The following APLF variants were observed in gnomAD, a reference collection of about 807,000 sequenced individuals.
The protein encoded by APLF is aprataxin and PNKP like factor, also known as aprataxin and PNK-like factor.
Under a neutral mutation model 55.6 loss-of-function variants are expected in APLF, and 61 were observed. That is an observed-to-expected ratio of 1.10 (90% CI 0.89 to 1.36). APLF has a LOEUF of 1.36. APLF is among the 40% of genes most tolerant of loss of function. The pLI, the probability that APLF is intolerant of heterozygous loss-of-function variation, is 0.00. For missense variants in APLF, 611 were observed against 602.5 expected (o/e 1.01, Z -0.15); for synonymous variants, 207 against 214.8 (o/e 0.96, Z 0.32).
intron 5 of APLF, among the ~76,000 whole-genome samples, chr2:68,518,932 T>G (rs1433392949): frequency 1.6e-5 from 2 of 124,264 alleles, no homozygotes; most frequent in South Asian, 2.3e-4. Context: ...ATCATTAATA[T>G]TAATATATTA....
intron 1 of APLF, among the ~76,000 whole-genome samples, chr2:68,487,897 A>G (rs1460831818): frequency 1.3e-5 from 2 of 152,096 alleles, no homozygotes; most frequent in Non-Finnish European, 2.9e-5. Flanking sequence ...TTCTTTTTGT[A>G]TTCTATAAAG....
intron 2 of APLF, among the ~76,000 whole-genome samples, chr2:68,501,452 C>T (rs1676720571): frequency 6.6e-6 from 1 of 151,524 alleles, no homozygotes; most frequent in Admixed American, 6.6e-5. Context: ...CAAAGATCTG[C>T]ATTATGTAGA....
At chr2:68,520,788 G>A (rs1435606767) in intron 5 of APLF, among the ~76,000 whole-genome samples, 1 of 151,488 alleles carries the variant, frequency 6.6e-6, no homozygotes, top group African/African-American at 2.4e-5. Context: ...GCTTTGGCTA[G>A]ACTTGTTTTG....
chr2:68,557,081 T>C (rs1198532166), intron 8 of APLF, among the ~76,000 whole-genome samples: 1 of 152,206 alleles, frequency 6.6e-6, no homozygotes, highest in Non-Finnish European at 1.5e-5. Context: ...AAGTACAATC[T>C]GTCCCTGGTA....
At chr2:68,574,416 G>A (rs1425620011) in intron 9 of APLF, among the ~76,000 whole-genome samples, 1 of 152,186 alleles carries the variant, frequency 6.6e-6, no homozygotes, top group African/African-American at 2.4e-5. Flanking sequence ...ACCCTGTTAT[G>A]AAGGATCTGT....
chr2:68,577,800 A>C lies in APLF; in HGVS notation c.1334-20A>C, dbSNP rs1189106329. The C allele has an allele frequency of 6.8e-6, 11 of 1,612,296 alleles. No individual in the cohort carries two copies. Among genetic ancestry groups the C allele is most frequent in the Non-Finnish European group, 9.3e-6 (11 of 1,178,958 alleles). ...TTGAGTGGTGATTGATGTGTTGTGT[A>C]CCAATCTTCTGTTTTGCAGTGAGAA... is the stretch of plus-strand genomic sequence containing the variant. On this transcript the variant is annotated intron_variant, in intron 9 of 9. Coordinates refer to ENST00000303795, the MANE Select transcript of APLF (RefSeq NM_173545.3).
intron 9 of APLF, among the ~76,000 whole-genome samples, chr2:68,576,245 T>C (rs1313979730): frequency 1.3e-5 from 2 of 152,160 alleles, no homozygotes; most frequent in African/African-American, 2.4e-5. Flanking sequence ...AATAGAGATA[T>C]TGATGTTCTT....
rs558663973 is a variant in APLF at position 68,493,016 on chromosome 2, A to G, written c.168+2755A>G. Among the ~76,000 whole-genome samples, 19 of 152,302 alleles carry G rather than the reference A, an allele frequency of 1.2e-4. No homozygotes were observed. The South Asian group carries it at 3.7e-3, about 30-fold the overall frequency. ...TGATCTTAAATACTCAGCAAATTCT[A>G]GAATGGGAATGAGAGCCCAGGTTCT... On this transcript the variant is annotated intron_variant, in intron 2 of 9. Coordinates refer to ENST00000303795, the MANE Select transcript of APLF (RefSeq NM_173545.3).
chr2:68,553,883 G>C (rs942707432), intron 8 of APLF, among the ~76,000 whole-genome samples: 1 of 152,112 alleles, frequency 6.6e-6, no homozygotes, highest in South Asian at 2.1e-4. Context: ...TGTAATGCTA[G>C]GTTGATTTCA....
At chr2:68,565,180 G>T (rs1419197049) in intron 8 of APLF, among the ~76,000 whole-genome samples, 1 of 151,612 alleles carries the variant, frequency 6.6e-6, no homozygotes, top group Non-Finnish European at 1.5e-5. Flanking sequence ...TCGGAAAATA[G>T]ATTTCATGAT....
intron 6 of APLF, among the ~76,000 whole-genome samples, chr2:68,530,807 C>G (rs1454098184): frequency 6.6e-6 from 1 of 152,018 alleles, no homozygotes; most frequent in African/African-American, 2.4e-5. Context: ...AACCATTTGG[C>G]CACTCTACAT....
intron 5 of APLF, among the ~76,000 whole-genome samples, chr2:68,520,756 T>A (rs2103973601): frequency 6.6e-6 from 1 of 152,196 alleles, no homozygotes; most frequent in South Asian, 2.1e-4. Flanking sequence ...TGCCTCCGGA[T>A]TTGTTTCTTT....
intron 1 of APLF, among the ~76,000 whole-genome samples, chr2:68,473,590 A>G (rs2103874047): frequency 1.3e-5 from 2 of 152,332 alleles, no homozygotes; most frequent in South Asian, 4.1e-4. Flanking sequence ...AGAAACCGCC[A>G]AACTGTCTTC....
At position 68,579,510 on chromosome 2, in the gene APLF, T is replaced by C. The variant is rs1262322179; in HGVS notation, c.*1488T>C. On this transcript the variant is annotated 3_prime_UTR_variant, in exon 10 of 10. Coordinates refer to ENST00000303795, the MANE Select transcript of APLF (RefSeq NM_173545.3). The stretch of plus-strand genomic sequence containing the variant: ...TACACAATGTCAATAGAAGCATTAT[T>C]CTTAACAGCCAAAAAGTATAAACAC... The C allele has an allele frequency of 1.5e-5, 10 of 654,750 alleles. No homozygotes were observed. The highest frequency in any genetic ancestry group is 1.9e-5 in the Non-Finnish European group (10 of 528,576). The allele number at this position is 654,750 out of a possible 1,614,324, so 40.6% of individuals were successfully genotyped here.
intron 6 of APLF, among the ~76,000 whole-genome samples, chr2:68,527,691 C>T (rs192783073): frequency 5.5e-4 from 83 of 151,224 alleles, no homozygotes; most frequent in African/African-American, 2.0e-3. Flanking sequence ...TCTCACTGCC[C>T]AGACAGGGCA....
At chr2:68,516,943 T>C (rs1669600929) in intron 5 of APLF, among the ~76,000 whole-genome samples, 1 of 123,510 alleles carries the variant, frequency 8.1e-6, no homozygotes, top group South Asian at 2.2e-4. Context: ...TATAATATAA[T>C]ATATATAATA....
chr2:68,563,333 TA>T (rs1451592837), intron 8 of APLF: 16 of 983,554 alleles, frequency 1.6e-5, no homozygotes, highest in Non-Finnish European at 1.9e-5. Flanking sequence ...CTTTTTGGAA[TA>T]ATTAAATGTA....
At position 68,549,402 on chromosome 2, in the gene APLF, G is replaced by A. The variant is rs145645690; in HGVS notation, c.1286+4090G>A. 1.6e-4 allele frequency among the ~76,000 whole-genome samples: 24 copies of A among 152,118 alleles called. No individual in the cohort carries two copies. In the East Asian group the frequency reaches 4.6e-3, roughly 29 times the overall value. On this transcript the variant is annotated intron_variant, in intron 8 of 9. Transcript: ENST00000303795. ...TTATTTCCCTCTTAGTCTCTAAAATGTTTTTACCTGAAAGTCTACTTTGAT... is the reference window on the plus strand; with the variant it reads ...TTATTTCCCTCTTAGTCTCTAAAATATTTTTACCTGAAAGTCTACTTTGAT...
Position 68,467,588 on chromosome 2 carries a change from A to C in APLF, c.-144A>C, listed in dbSNP as rs1254689979. On this transcript the variant is annotated 5_prime_UTR_variant, in exon 1 of 10. Coordinates refer to ENST00000303795, the MANE Select transcript of APLF (RefSeq NM_173545.3). ...AGCTGCGCTGGGGCCGGGCTCTGAG[A>C]GGACCGGCGCAGCCGCGGGGAGCCT... is the stretch of plus-strand genomic sequence containing the variant. 31 of 562,300 alleles carry C rather than the reference A, an allele frequency of 5.5e-5. No homozygotes were observed. Among genetic ancestry groups the C allele is most frequent in the Non-Finnish European group, 7.7e-5 (29 of 375,590 alleles). The allele number at this position is 562,300 out of a possible 1,614,324, so 34.8% of individuals were successfully genotyped here. A position where few individuals can be genotyped will look rare whatever the true frequency, so the allele number is the denominator to read the frequency against.
Sources: allele counts gnomAD v4.1 joint callset (sites outside exome capture counted in the v4.1 genomes callset), GRCh38; gene constraint gnomAD v4.1.1; transcripts MANE v1.5; gene names NCBI Gene and HGNC (gene_info 2026-07-23, HGNC 2026-07-21).